PDE9A: variants seen among roughly 807,000 people sequenced by gnomAD.
PDE9A encodes high affinity cGMP-specific 3',5'-cyclic phosphodiesterase 9A.
A neutral mutation model predicts 87.4 loss-of-function variants in PDE9A; 60 were observed. That is an observed-to-expected ratio of 0.69 (90% CI 0.56 to 0.85). The LOEUF (loss-of-function observed/expected upper bound fraction) is 0.85. Among genes scored for constraint, PDE9A ranks in the 40% least tolerant of loss-of-function variants. PDE9A has a pLI of 0.00. For missense variants in PDE9A, 665 were observed against 779.0 expected, an observed-to-expected ratio of 0.85 and a Z score of 1.74; for synonymous variants, 272 against 279.4, an observed-to-expected ratio of 0.97 and a Z score of 0.27.
At chr21:42,768,469 T>A in intron 16 of PDE9A, 177 bp downstream of exon 16, 1 of 1,150,914 alleles carries the variant, frequency 8.7e-7, no homozygotes, top group Non-Finnish European at 1.2e-6. Context: ...GGTTATAATT[T>A]GAGACCTGAA....
chr21:42,717,917 G>GTTTGTTTGT (rs1602242459), intron 4 of PDE9A, among the ~76,000 whole-genome samples: 1 of 151,542 alleles, frequency 6.6e-6, no homozygotes, highest in African/African-American at 2.4e-5. Flanking sequence ...TTGTTTGTTT[G>GTTTGTTTGT]TTTGTTTTGT....
At chr21:42,767,978 G>A (rs192762227) in intron 15 of PDE9A, among the ~76,000 whole-genome samples, 1 of 152,340 alleles carries the variant, frequency 6.6e-6, no homozygotes, top group African/African-American at 2.4e-5. Flanking sequence ...TGGCCAGAAA[G>A]GCTGGAAGGA....
In PDE9A at chr21:42,670,250, T is replaced by TC. The variant is rs796372335; in HGVS notation, c.70-15942_70-15941insC. ...ACACTTACATTCACACTCATACACA[T>TC]ACATACATTCACACACATATTCACA... On this transcript the variant is annotated intron_variant, in intron 1 of 19. Transcript: ENST00000291539. 5.5e-5 allele frequency among the ~76,000 whole-genome samples: 6 copies of TC among 108,402 alleles called. No individual in the cohort carries two copies. The South Asian group carries it at 8.0e-4, about 15-fold the overall frequency. 71.1% of individuals were successfully genotyped at this position (108,402 alleles called of 152,430 possible).
chr21:42,724,597 G>A (rs1051809079), intron 4 of PDE9A: 100 of 985,218 alleles, frequency 1.0e-4, no homozygotes, highest in East Asian at 2.3e-4. Context: ...AGGCGGTTCC[G>A]TGAGCCCACT....
chr21:42,765,332 A>T, intron 14 of PDE9A, 49 bp from the exon 15 acceptor site: 1 of 1,085,604 alleles, frequency 9.2e-7, no homozygotes, highest in African/African-American at 1.6e-5. Flanking sequence ...TCCGCTGAAT[A>T]ATTGTTCAGA....
rs566130236 is a variant in PDE9A at position 42,679,455 on chromosome 21, G to A, written c.70-6737G>A. Among the ~76,000 whole-genome samples, 17 of 152,098 alleles carry A rather than the reference G, an allele frequency of 1.1e-4. No homozygotes were observed. The South Asian group carries it at 2.9e-3, about 26-fold the overall frequency. On this transcript the variant is annotated intron_variant, in intron 1 of 19. Coordinates refer to ENST00000291539, the MANE Select transcript of PDE9A (RefSeq NM_002606.3). ...TACTTGAGTCTTGGTTTTACAGGAA[G>A]ACCATGAAGCACCCCCCAGGAGCTG...
intron 1 of PDE9A, among the ~76,000 whole-genome samples, chr21:42,656,759 C>T (rs13050727): frequency 0.061 from 9,242 of 152,166 alleles, 371 homozygotes; most frequent in Middle Eastern, 0.11. Context: ...TGAAGTGAGT[C>T]GGAGGTTGCC....
In PDE9A at chr21:42,702,360, C is replaced by T. The variant is rs1010599658; in HGVS notation, c.262+3349C>T. 6.6e-6 allele frequency among the ~76,000 whole-genome samples: 1 copy of T among 152,046 alleles called. No homozygotes were observed. Among genetic ancestry groups the T allele is most frequent in the African/African-American group, 2.4e-5 (1 of 41,382 alleles). On this transcript the variant is annotated intron_variant, in intron 4 of 19. Transcript: ENST00000291539. This position sits in a 1 kb window ranked among gnomAD's most constrained non-coding sequence, Gnocchi z 4.9. ...ATTTTTACATCTCCCATTTATGCCT[C>T]ATTATGTTTATATTTCCTGTAAATG...
intron 1 of PDE9A, among the ~76,000 whole-genome samples, chr21:42,654,304 T>C (rs998784839): frequency 1.3e-5 from 2 of 151,406 alleles, no homozygotes; most frequent in Admixed American, 6.6e-5. Flanking sequence ...GGGACACTGC[T>C]CCCCCGCAGG....
At chr21:42,718,373 CGTG>C (rs1324599422) in intron 4 of PDE9A, among the ~76,000 whole-genome samples, 2 of 151,838 alleles carry the variant, frequency 1.3e-5, no homozygotes, top group Non-Finnish European at 2.9e-5. Flanking sequence ...TCAGCCATTA[CGTG>C]TTATATGTGC....
At chr21:42,706,976 CTGTGGCTGCATTG>C (rs1569179419) in intron 4 of PDE9A, among the ~76,000 whole-genome samples, 1 of 152,164 alleles carries the variant, frequency 6.6e-6, no homozygotes, top group African/African-American at 2.4e-5. Context: ...TGGCTGCGTC[CTGTGGCTGCATTG>C]TGTGGCTGTG....
chr21:42,675,038 G>A lies in PDE9A; in HGVS notation c.70-11154G>A, dbSNP rs1445958370. On this transcript the variant is annotated intron_variant, in intron 1 of 19. Coordinates refer to ENST00000291539, the MANE Select transcript of PDE9A (RefSeq NM_002606.3). This position sits in a 1 kb window ranked among gnomAD's most constrained non-coding sequence, Gnocchi z 4.3. ...AATAACTCATCCCCCACTACCCAGA[G>A]AAAACCGCTGTTAACACCGAAGTGC... Among the ~76,000 whole-genome samples, 1 of 152,194 alleles carries A rather than the reference G, an allele frequency of 6.6e-6. No homozygotes were observed. The highest frequency in any genetic ancestry group is 1.5e-5 in the Non-Finnish European group (1 of 68,026).
chr21:42,762,851 C>T (rs1418714538), intron 14 of PDE9A, among the ~76,000 whole-genome samples: 7 of 152,128 alleles, frequency 4.6e-5, no homozygotes, highest in Admixed American at 2.6e-4. Context: ...CGCCACCAAG[C>T]CGGCTAATTT....
chr21:42,765,549 G>T (rs1298765588), intron 15 of PDE9A, 55 bp downstream of exon 15: 1 of 924,746 alleles, frequency 1.1e-6, no homozygotes, highest in Non-Finnish European at 1.8e-6. Flanking sequence ...GGCGAAGCAG[G>T]TCATCCATCC....
chr21:42,741,389 G>A (rs951334071), intron 7 of PDE9A: 12 of 152,224 alleles, frequency 7.9e-5, no homozygotes, highest in African/African-American at 2.7e-4. Context: ...CGGCTCCAAA[G>A]GAGAATGTGG....
In PDE9A at chr21:42,662,546, C is replaced by A. The variant is rs915929687; in HGVS notation, c.69+8663C>A. On this transcript the variant is annotated intron_variant, in intron 1 of 19. Coordinates refer to ENST00000291539, the MANE Select transcript of PDE9A (RefSeq NM_002606.3). The stretch of plus-strand genomic sequence containing the variant: ...TGCACACACACCACACACGTACACA[C>A]CATGCACATCACACACAAGCACACC... Among the ~76,000 whole-genome samples the A allele has an allele frequency of 2.0e-5, 3 of 146,950 alleles. No individual in the cohort carries two copies. The East Asian group carries it at 6.2e-4, about 30-fold the overall frequency.
rs372448988 is a variant in PDE9A at position 42,663,621 on chromosome 21, C to T, written c.69+9738C>T. Among the ~76,000 whole-genome samples the T allele has an allele frequency of 8.5e-5, 13 of 152,322 alleles. No homozygotes were observed. The East Asian group carries it at 1.7e-3, about 20-fold the overall frequency. Reference sequence around the variant, plus strand: ...CAGTGCCCCCCGTCTTCCCACCCTGCGGTCATGCAGCCCGACTCTTGGGGG... The same window carrying T: ...CAGTGCCCCCCGTCTTCCCACCCTGTGGTCATGCAGCCCGACTCTTGGGGG... On this transcript the variant is annotated intron_variant, in intron 1 of 19. Coordinates refer to ENST00000291539, the MANE Select transcript of PDE9A (RefSeq NM_002606.3).
intron 10 of PDE9A, among the ~76,000 whole-genome samples, chr21:42,754,608 T>G (rs2054823155): frequency 6.6e-6 from 1 of 152,220 alleles, no homozygotes; most frequent in African/African-American, 2.4e-5. Flanking sequence ...AGTGATATGA[T>G]TTGGCTGTGT....
At chr21:42,770,902 G>C (rs1486686347) in intron 18 of PDE9A, 104 bp downstream of exon 18, 2 of 809,126 alleles carry the variant, frequency 2.5e-6, no homozygotes, top group East Asian at 2.6e-5. Context: ...GGGCACCACT[G>C]AAGGCCCCGT....
Sources: gnomAD v4.1 joint callset for allele counts (sites outside exome capture counted in the v4.1 genomes callset) on GRCh38, gnomAD v4.1.1 for gene constraint, Gnocchi (gnomAD v3.1) non-coding constraint, MANE v1.5 for transcripts, NCBI Gene and HGNC (gene_info 2026-07-23, HGNC 2026-07-21) for gene names.